Variants in SUN1 observed in about 807,000 individuals in gnomAD.
SUN1 encodes SUN domain-containing protein 1.
SUN1 carries 61 observed loss-of-function variants against 103.2 expected under a neutral mutation model. The ratio of observed to expected loss-of-function variants is 0.59; its 90% CI spans 0.48 to 0.73. The LOEUF (loss-of-function observed/expected upper bound fraction) is 0.73. Among genes scored for constraint, SUN1 ranks in the 30% least tolerant of loss-of-function variants. SUN1 has a pLI of 0.00. For synonymous variants in SUN1, 490 were observed against 425.7 expected, an observed-to-expected ratio of 1.15 and a Z score of -1.86; for missense variants, 1,052 against 1,034.6, an observed-to-expected ratio of 1.02 and a Z score of -0.23.
chr7:837,663 GA>G (rs1244740401), intron 1 of SUN1, among the ~76,000 whole-genome samples: 1 of 152,146 alleles, frequency 6.6e-6, no homozygotes, highest in Non-Finnish European at 1.5e-5. Context: ...AAACATTGCA[GA>G]AAAGGTAATA....
chr7:843,749 G>T (rs1264121629), intron 5 of SUN1: 2 of 1,427,746 alleles, frequency 1.4e-6, no homozygotes, highest in Admixed American at 6.5e-5. Flanking sequence ...TATAAATTTG[G>T]ACTTGACGTG....
At chr7:863,169 A>G (rs1337264456) in intron 15 of SUN1, among the ~76,000 whole-genome samples, 2 of 152,110 alleles carry the variant, frequency 1.3e-5, no homozygotes, top group African/African-American at 4.8e-5. Context: ...AAACCCCATC[A>G]GTTTCTGCCT....
intron 1 of SUN1, among the ~76,000 whole-genome samples, chr7:834,461 G>A (rs910549204): frequency 7.9e-5 from 12 of 152,226 alleles, no homozygotes; most frequent in Non-Finnish European, 1.0e-4. Context: ...GGGGCCTCAG[G>A]GCTGGTCTGG....
At chr7:853,769 C>T (rs989991801) in intron 10 of SUN1, 151 bp downstream of exon 10, 49 of 883,746 alleles carry the variant, frequency 5.5e-5, no homozygotes, top group African/African-American at 1.7e-5. Context: ...AGCAGTGTGC[C>T]GGAGAGGGAG....
At chr7:818,206 C>G (rs1456576359) in intron 1 of SUN1, among the ~76,000 whole-genome samples, 1 of 152,220 alleles carries the variant, frequency 6.6e-6, no homozygotes. Context: ...TTCCGTCTCC[C>G]CAGGCCCCGG....
upstream of SUN1, chr7:832,457 A>AT: frequency 6.6e-7 from 1 of 1,511,682 alleles, no homozygotes; most frequent in Non-Finnish European, 9.0e-7. Flanking sequence ...AATGCGCTCG[A>AT]TTTCCTGCCC....
chr7:817,209 C>G (rs1449473719), intron 1 of SUN1: 2 of 573,526 alleles, frequency 3.5e-6, no homozygotes, highest in East Asian at 3.0e-5. Flanking sequence ...ATCCTCCCGC[C>G]TCCGCCTCCC....
At chr7:850,177 G>T (rs1013064750) in intron 5 of SUN1, 6 of 756,254 alleles carry the variant, frequency 7.9e-6, no homozygotes, top group Non-Finnish European at 1.3e-5. Context: ...TTAAAACAGG[G>T]TGAATCTCTC....
intron 1 of SUN1, chr7:817,380 T>TG: frequency 6.5e-7 from 1 of 1,530,768 alleles, no homozygotes; most frequent in Non-Finnish European, 8.7e-7. Flanking sequence ...CGCGCCCTGT[T>TG]GCGCCTTCAA....
At chr7:851,717 G>A (rs1269602026) in intron 6 of SUN1, 21 of 625,978 alleles carry the variant, frequency 3.4e-5, no homozygotes, top group East Asian at 8.3e-5. Flanking sequence ...CTGAATGCCC[G>A]GTGCAGAGAA....
rs528530860 is a variant in SUN1, at chr7:856,495, C to T, written c.1394+94C>T. 4.3e-5 allele frequency: 62 copies of T among 1,448,196 alleles called. 1 individual carries two copies. The highest frequency in any genetic ancestry group is 4.2e-4 in the South Asian group (36 of 85,560). 89.7% of individuals were successfully genotyped at this position (1,448,196 alleles called of 1,614,324 possible). On this transcript the variant is annotated intron_variant, in intron 12 of 18. Transcript: ENST00000401592. ...GAGTGATGAATGGGGGACCCGGGGC[C>T]GGCCTCCCCCGAGGGTCACCTGAAG... is the stretch of plus-strand genomic sequence containing the variant.
In SUN1 at chr7:873,235, T is replaced by C. The variant is rs772177860; in HGVS notation, c.2262T>C (p.Ala754=). Residue 754 remains alanine (A), a synonymous_variant, in exon 19 of 19, where the codon GCT becomes GCC. Coordinates refer to ENST00000401592, the MANE Select transcript of SUN1 (RefSeq NM_001130965.3). The part of the protein sequence containing the change: ...FQALKRPDDT[A]FQIVELRIFS... The stretch of plus-strand genomic sequence containing the variant: ...TTCAGAAAAGACCCGACGACACAGC[T>C]TTCCAAATAGTGGAACTTCGGATTT... 33 of 1,614,152 alleles carry C rather than the reference T, an allele frequency of 2.0e-5. No individual in the cohort carries two copies. The South Asian group carries it at 3.5e-4, about 17-fold the overall frequency.
chr7:831,016 G>C (rs1261670442), upstream of SUN1: 3 of 985,454 alleles, frequency 3.0e-6, no homozygotes, highest in East Asian at 2.3e-4. Flanking sequence ...GCCCTGTCCT[G>C]TGCCGGGCTC....
At chr7:820,981 A>G (rs1166809801) in intron 1 of SUN1, among the ~76,000 whole-genome samples, 1 of 152,014 alleles carries the variant, frequency 6.6e-6, no homozygotes, top group Non-Finnish European at 1.5e-5. Flanking sequence ...CATGCTTATG[A>G]CTCAACTTCT....
At chr7:828,416 C>T (rs764200210), upstream of SUN1, among the ~76,000 whole-genome samples, 5 of 151,874 alleles carry the variant, frequency 3.3e-5, no homozygotes, top group East Asian at 1.9e-4. Context: ...GGATTACAGG[C>T]GCCCGCCACC....
chr7:838,871 A>T lies in SUN1; in HGVS notation c.151A>T (p.Met51Leu). ...GGACCCTGTATTTGATTCTCCACGG[A>T]TGTCCCGCCGTAGTTTGCGCCTGGC... ...KLDPVFDSPR[M>L]SRRSLRLATT... is the part of the protein sequence containing the mutation. The change falls in exon 2 of 19, where the codon ATG becomes TTG. Residue 51 changes from methionine (M) to leucine (L), a missense_variant. Around this residue, in one of 2 missense-constraint regions of SUN1, gnomAD observed 846 missense variants for 774.5 expected, o/e 1.09. Coordinates refer to ENST00000401592, the MANE Select transcript of SUN1 (RefSeq NM_001130965.3). 6.2e-7 allele frequency: 1 copy of T among 1,600,756 alleles called. No homozygotes were observed. Among genetic ancestry groups the T allele is most frequent in the East Asian group, 2.2e-5 (1 of 44,464 alleles).
chr7:840,027 G>A (rs1807705842), intron 2 of SUN1, among the ~76,000 whole-genome samples: 1 of 152,200 alleles, frequency 6.6e-6, no homozygotes, highest in Non-Finnish European at 1.5e-5. Flanking sequence ...GTGCCATTTA[G>A]GGATAATAAA....
At chr7:854,714 AATATAT>A (rs143475526) in intron 10 of SUN1, among the ~76,000 whole-genome samples, 200 bp from the exon 11 acceptor site, 2 of 152,188 alleles carry the variant, frequency 1.3e-5, no homozygotes, top group Non-Finnish European at 2.9e-5. Flanking sequence ...CCTTAAAATA[AATATAT>A]ATATAAATAA....
At chr7:852,305 T>G (rs1408636409) in intron 7 of SUN1, 2 of 596,010 alleles carry the variant, frequency 3.4e-6, no homozygotes, top group Non-Finnish European at 5.9e-6. Flanking sequence ...AGGTCCAGGC[T>G]TCTGCCCTGC....
Sources: gnomAD v4.1 joint callset for allele counts (sites outside exome capture counted in the v4.1 genomes callset) on GRCh38, gnomAD v4.1.1 for gene constraint, gnomAD v4.1.1 regional missense constraint, MANE v1.5 for transcripts, NCBI Gene and HGNC (gene_info 2026-07-23, HGNC 2026-07-21) for gene names.